The following DRC4 variants were observed in gnomAD, a reference collection of about 807,000 sequenced individuals.
DRC4 encodes the protein GAS-11.
the DRC4 span, chr16:90,031,084 T>A: frequency 9.1e-7 from 1 of 1,104,508 alleles, no homozygotes; most frequent in Non-Finnish European, 1.2e-6. Flanking sequence ...TATTTTATGA[T>A]TATTGGCCAA....
At chr16:90,022,378 C>G in the DRC4 span, among the ~76,000 whole-genome samples, 1 of 152,146 alleles carries the variant, frequency 6.6e-6, no homozygotes, top group African/African-American at 2.4e-5. Context: ...TTCATCAGCA[C>G]GTCTTTACTG....
chr16:90,027,738 T>G, the DRC4 span: 2 of 1,613,512 alleles, frequency 1.2e-6, no homozygotes. Context: ...CAGAGCGGGC[T>G]GTGGCCCAGT....
At chr16:90,040,381 C>T in the DRC4 span, 1 of 1,611,224 alleles carries the variant, frequency 6.2e-7, no homozygotes, top group East Asian at 2.2e-5. Flanking sequence ...GTTCAAGAAC[C>T]TCGTGCTAGA....
At chr16:90,038,904 C>T in the DRC4 span, among the ~76,000 whole-genome samples, 1 of 152,202 alleles carries the variant, frequency 6.6e-6, no homozygotes, top group South Asian at 2.1e-4. Flanking sequence ...GTGTGCGGGG[C>T]CAGGGCATCT....
the DRC4 span, among the ~76,000 whole-genome samples, chr16:90,038,920 T>A: frequency 6.6e-6 from 1 of 152,222 alleles, no homozygotes; most frequent in Non-Finnish European, 1.5e-5. Context: ...CATCTTATCT[T>A]GAGCCGCAGT....
chr16:90,035,107 T>G, the DRC4 span, among the ~76,000 whole-genome samples: 1 of 152,070 alleles, frequency 6.6e-6, no homozygotes, highest in Non-Finnish European at 1.5e-5. Context: ...TTCTCCATGT[T>G]GGTCAGGCTG....
At chr16:90,035,332 G>A in the DRC4 span, among the ~76,000 whole-genome samples, 1 of 152,210 alleles carries the variant, frequency 6.6e-6, no homozygotes, top group East Asian at 1.9e-4. Flanking sequence ...TTAATATGCT[G>A]CTTCAGGCAG....
At chr16:90,037,494 C>T in the DRC4 span, 6 of 1,383,334 alleles carry the variant, frequency 4.3e-6, no homozygotes, top group African/African-American at 1.4e-5. Flanking sequence ...GCCCTTAGGG[C>T]AGGAAGGGAG....
At chr16:90,026,334 G>C in the DRC4 span, among the ~76,000 whole-genome samples, 1 of 152,240 alleles carries the variant, frequency 6.6e-6, no homozygotes, top group South Asian at 2.1e-4. Context: ...CCTTGTCAAA[G>C]TTGCTAAAAC....
the DRC4 span, chr16:90,043,450 CA>C: frequency 8.8e-7 from 1 of 1,138,778 alleles, no homozygotes; most frequent in Non-Finnish European, 1.2e-6. Context: ...TTATCATCAG[CA>C]AATGAAAGCT....
chr16:90,042,395 C>G, the DRC4 span: 2 of 1,237,278 alleles, frequency 1.6e-6, no homozygotes, highest in Non-Finnish European at 2.4e-6. Context: ...AGAACGCCCA[C>G]TGGAGTCCCC....
chr16:90,023,923 C>T, the DRC4 span, among the ~76,000 whole-genome samples: 7 of 143,054 alleles, frequency 4.9e-5, no homozygotes, highest in East Asian at 8.3e-4. Flanking sequence ...ACCTGGGAGG[C>T]GGAGGTTGCA....
the DRC4 span, among the ~76,000 whole-genome samples, chr16:90,041,409 C>T: frequency 6.6e-6 from 1 of 152,218 alleles, no homozygotes; most frequent in Non-Finnish European, 1.5e-5. Context: ...CAGCAGTGCC[C>T]CACAGGCAGG....
the DRC4 span, chr16:90,043,251 C>A: frequency 1.9e-6 from 3 of 1,613,564 alleles, no homozygotes; most frequent in African/African-American, 1.3e-5. Flanking sequence ...TTCGGGATCC[C>A]TCTGGACAAC....
chr16:90,024,331 G>C, the DRC4 span, among the ~76,000 whole-genome samples: 4 of 152,246 alleles, frequency 2.6e-5, no homozygotes, highest in East Asian at 7.7e-4. Context: ...CACCGGCCCA[G>C]TCAGATTAAA....
At chr16:90,040,432 G>C in the DRC4 span, 2 of 1,612,282 alleles carry the variant, frequency 1.2e-6, no homozygotes, top group East Asian at 4.5e-5. Context: ...GGAGAAGAAG[G>C]AGGTGCAGTT....
At chr16:90,024,900 G>C in the DRC4 span, among the ~76,000 whole-genome samples, 1 of 152,148 alleles carries the variant, frequency 6.6e-6, no homozygotes, top group Non-Finnish European at 1.5e-5. Flanking sequence ...GTTTCTGTTA[G>C]GTTGTGGGAA....
the DRC4 span, chr16:90,030,001 CCT>C: frequency 6.6e-6 from 1 of 152,276 alleles, no homozygotes; most frequent in Non-Finnish European, 1.5e-5. Context: ...TCATGATCTG[CCT>C]GTCTCTGCCT....
At chr16:90,021,915 A>C in the DRC4 span, 1 of 150,446 alleles carries the variant, frequency 6.6e-6, no homozygotes, top group African/African-American at 2.4e-5. Context: ...TGGGTGACAT[A>C]GATGGTTGTA....
Sources: gnomAD v4.1 joint callset for allele counts (sites outside exome capture counted in the v4.1 genomes callset) on GRCh38, gnomAD v4.1.1 for gene constraint, MANE v1.5 for transcripts, NCBI Gene and HGNC (gene_info 2026-07-23, HGNC 2026-07-21) for gene names.